FAM229B: variants seen among roughly 807,000 people sequenced by gnomAD.
FAM229B encodes family with sequence similarity 229 member B, also known as protein FAM229B.
In FAM229B, 2 loss-of-function variants were observed where a neutral mutation model predicts 6.7. That is an observed-to-expected ratio of 0.30 (90% CI 0.12 to 0.94). The LOEUF (loss-of-function observed/expected upper bound fraction) is 0.94, where lower values mean the gene tolerates loss of function less well. FAM229B is among the 40% of genes least tolerant of loss of function. The pLI, the probability that FAM229B is intolerant of heterozygous loss-of-function variation, is 0.54. For missense variants in FAM229B, 93 were observed against 96.2 expected, an observed-to-expected ratio of 0.97 and a Z score of 0.14; for synonymous variants, 29 against 34.0, an observed-to-expected ratio of 0.85 and a Z score of 0.51.
intron 1 of FAM229B, among the ~76,000 whole-genome samples, chr6:112,093,646 A>T (rs1331006223): frequency 2.0e-5 from 3 of 152,138 alleles, no homozygotes; most frequent in Non-Finnish European, 4.4e-5. Context: ...AAAAGAATTC[A>T]AGTCATACAA....
In FAM229B at chr6:112,102,500, CAAAG is replaced by C. The variant is rs1162698731; in HGVS notation, c.*1717_*1720del. 4 of 151,674 alleles carry C rather than the reference CAAAG, an allele frequency of 2.6e-5. No homozygotes were observed. The highest frequency in any genetic ancestry group is 6.6e-5 in the Admixed American group (1 of 15,214). 9.4% of individuals were successfully genotyped at this position (151,674 alleles called of 1,614,324 possible). ...ACTTTGTCTCAAAAAAAAAGAAAAA[CAAAG>C]AAAAATTCCTCAGAGCTCATACAAG... On this transcript the variant is annotated 3_prime_UTR_variant, in exon 4 of 4. Transcript: ENST00000368656.
intron 1 of FAM229B, among the ~76,000 whole-genome samples, chr6:112,090,433 C>G (rs1554318062): frequency 6.6e-6 from 1 of 152,176 alleles, no homozygotes; most frequent in African/African-American, 2.4e-5. Flanking sequence ...TTTAGCTTTC[C>G]ACAACAGTTT....
chr6:112,097,639 T>G (rs587696444), intron 2 of FAM229B, among the ~76,000 whole-genome samples: 11 of 149,860 alleles, frequency 7.3e-5, no homozygotes, highest in African/African-American at 2.2e-4. Context: ...GTTGAATACA[T>G]TGTGTACTAA....
chr6:112,093,326 T>C (rs1777281574), intron 1 of FAM229B, among the ~76,000 whole-genome samples: 1 of 152,044 alleles, frequency 6.6e-6, no homozygotes, highest in Non-Finnish European at 1.5e-5. Flanking sequence ...CAAGAGGATA[T>C]AACAATACTA....
At chr6:112,088,363 T>C (rs1313243049) in intron 1 of FAM229B, among the ~76,000 whole-genome samples, 1 of 152,226 alleles carries the variant, frequency 6.6e-6, no homozygotes, top group Non-Finnish European at 1.5e-5. Flanking sequence ...TAAACTTCTA[T>C]TGATCAAATT....
rs1777412604 is a variant in FAM229B, at chr6:112,102,532, TGGG to T, written c.*1746_*1748del. The T allele has an allele frequency of 1.3e-5, 2 of 152,118 alleles. No individual in the cohort carries two copies. Among genetic ancestry groups the T allele is most frequent in the South Asian group, 4.2e-4 (2 of 4,802 alleles). 9.4% of individuals were successfully genotyped at this position (152,118 alleles called of 1,614,324 possible). A position where few individuals can be genotyped will look rare whatever the true frequency, so the allele number is the denominator to read the frequency against. On this transcript the variant is annotated 3_prime_UTR_variant, in exon 4 of 4. Transcript: ENST00000368656. ...AAATTCCTCAGAGCTCATACAAGGCTGGGTAGAATATGTGTTTCAACAATAGTG... is the reference window on the plus strand; with the variant it reads ...AAATTCCTCAGAGCTCATACAAGGCTTAGAATATGTGTTTCAACAATAGTG...
intron 1 of FAM229B, among the ~76,000 whole-genome samples, chr6:112,089,560 G>A (rs782109184): frequency 6.6e-6 from 1 of 152,134 alleles, no homozygotes; most frequent in Admixed American, 6.5e-5. Context: ...ATAGTAGATA[G>A]TAAATAAATA....
chr6:112,092,498 T>A (rs1777270856), intron 1 of FAM229B, among the ~76,000 whole-genome samples: 1 of 151,880 alleles, frequency 6.6e-6, no homozygotes, highest in Non-Finnish European at 1.5e-5. Flanking sequence ...AAAAAAGAGA[T>A]ATAAAAGCTA....
At chr6:112,089,231 G>C (rs782358536) in intron 1 of FAM229B, among the ~76,000 whole-genome samples, 15 of 151,530 alleles carry the variant, frequency 9.9e-5, no homozygotes, top group Non-Finnish European at 1.6e-4. Flanking sequence ...AAATGAAAAA[G>C]AAAAAAATTA....
intron 1 of FAM229B, among the ~76,000 whole-genome samples, chr6:112,093,148 A>G (rs185551811): frequency 9.2e-5 from 14 of 152,106 alleles, no homozygotes; most frequent in Admixed American, 3.9e-4. Context: ...ACTGCTTACA[A>G]GAAACCCACT....
At chr6:112,099,456 T>G in intron 3 of FAM229B, 48 bp downstream of exon 3, 1 of 1,528,924 alleles carries the variant, frequency 6.5e-7, no homozygotes, top group Non-Finnish European at 8.9e-7. Context: ...TTGGCTATCA[T>G]CAATACAACC....
intron 1 of FAM229B, among the ~76,000 whole-genome samples, chr6:112,091,122 G>A (rs1777252072): frequency 6.6e-6 from 1 of 152,000 alleles, no homozygotes; most frequent in South Asian, 2.1e-4. Context: ...TCTGTGGCTG[G>A]CTAATATCAC....
chr6:112,094,735 T>G (rs587689352), intron 1 of FAM229B, among the ~76,000 whole-genome samples: 3 of 152,320 alleles, frequency 2.0e-5, no homozygotes, highest in African/African-American at 7.2e-5. Context: ...CATGGGTCTT[T>G]TTTTCTTAGA....
At chr6:112,099,855 G>A (rs113524660) in intron 3 of FAM229B, among the ~76,000 whole-genome samples, 296 of 152,322 alleles carry the variant, frequency 1.9e-3, no homozygotes, top group African/African-American at 6.7e-3. Flanking sequence ...TATCACTTTG[G>A]CTTTGCTGCG....
At chr6:112,094,703 A>AAATG (rs1182379536) in intron 1 of FAM229B, among the ~76,000 whole-genome samples, 3 of 152,234 alleles carry the variant, frequency 2.0e-5, no homozygotes, top group African/African-American at 4.8e-5. Flanking sequence ...AATATTCATT[A>AAATG]AATGAATGAA....
chr6:112,098,977 A>G lies in FAM229B; in HGVS notation c.-14-293A>G, dbSNP rs868955431. Among the ~76,000 whole-genome samples, 35 of 152,184 alleles carry G rather than the reference A, an allele frequency of 2.3e-4. 1 individual carries two copies. The highest frequency in any genetic ancestry group is 4.1e-4 in the South Asian group (2 of 4,828). ...AGAATAACATTCAGAATGTTTCTGT[A>G]TGTCTATAACAAAATAGTAATATTA... On this transcript the variant is annotated intron_variant, in intron 2 of 3. Coordinates refer to ENST00000368656, the MANE Select transcript of FAM229B (RefSeq NM_001033564.3).
At chr6:112,095,867 T>G (rs1196307442) in intron 1 of FAM229B, among the ~76,000 whole-genome samples, 3 of 152,052 alleles carry the variant, frequency 2.0e-5, no homozygotes, top group African/African-American at 7.2e-5. Context: ...CGTCAGTTAT[T>G]TTTCCAAGCT....
chr6:112,101,393 T>C lies in FAM229B; in HGVS notation c.*606T>C, dbSNP rs184378840. ...GATTGTTGGTTAAATATATTGATAA[T>C]GAAGTCAAAGCTGTGGTTCCAACCC... is the stretch of plus-strand genomic sequence containing the variant. On this transcript the variant is annotated 3_prime_UTR_variant, in exon 4 of 4. Transcript: ENST00000368656. 1 of 152,322 alleles carries C rather than the reference T, an allele frequency of 6.6e-6. No homozygotes were observed. The highest frequency in any genetic ancestry group is 6.5e-5 in the Admixed American group (1 of 15,306). The allele number at this position is 152,322 out of a possible 1,614,324, so 9.4% of individuals were successfully genotyped here.
At chr6:112,099,233 T>C (rs1469336469) in intron 2 of FAM229B, 37 bp from the exon 3 acceptor site, 10 of 1,567,474 alleles carry the variant, frequency 6.4e-6, no homozygotes, top group Middle Eastern at 1.7e-4. Context: ...TTTAATTTTC[T>C]AATCTAGGTT....
Sources: gnomAD v4.1 joint callset for allele counts (sites outside exome capture counted in the v4.1 genomes callset) on GRCh38, gnomAD v4.1.1 for gene constraint, MANE v1.5 for transcripts, NCBI Gene and HGNC (gene_info 2026-07-23, HGNC 2026-07-21) for gene names.